Variants in CALCR observed in about 807,000 individuals in gnomAD.
CALCR encodes calcitonin receptor.
A neutral mutation model predicts 59.5 loss-of-function variants in CALCR; 47 were observed. The ratio of observed to expected loss-of-function variants is 0.79; its 90% CI spans 0.63 to 1.01. The LOEUF is 1.01. CALCR is among the 50% of genes least tolerant of loss of function. The pLI is 0.00. For missense variants in CALCR, 566 were observed against 597.1 expected, an observed-to-expected ratio of 0.95 and a Z score of 0.54; for synonymous variants, 213 against 211.3, an observed-to-expected ratio of 1.01 and a Z score of -0.07.
At position 93,463,098 on chromosome 7, in the gene CALCR, C is replaced by T. The variant is rs1800372288; in HGVS notation, c.522-2151G>A. Among the ~76,000 whole-genome samples, 3 of 151,790 alleles carry T rather than the reference C, an allele frequency of 2.0e-5. No homozygotes were observed. In the South Asian group the frequency reaches 6.2e-4, roughly 31 times the overall value. ...GTACACCAAAGAATTACATTAAATG[C>T]TAGATGATTTCCTACTTTATACTTC... On this transcript the variant is annotated intron_variant, in intron 7 of 13. Coordinates refer to ENST00000426151, the MANE Select transcript of CALCR (RefSeq NM_001742.4).
intron 2 of CALCR, among the ~76,000 whole-genome samples, chr7:93,535,853 A>G (rs1788971543): frequency 6.6e-6 from 1 of 151,812 alleles, no homozygotes; most frequent in Non-Finnish European, 1.5e-5. Context: ...CTTTGGAATT[A>G]CCAAACAAAA....
At chr7:93,564,119 G>T (rs1458647924) in intron 2 of CALCR, among the ~76,000 whole-genome samples, 1 of 151,946 alleles carries the variant, frequency 6.6e-6, no homozygotes, top group Non-Finnish European at 1.5e-5. Context: ...CACATTTCTG[G>T]GAATCTGGGT....
intron 7 of CALCR, among the ~76,000 whole-genome samples, chr7:93,463,283 G>C (rs1800375800): frequency 6.6e-6 from 1 of 151,540 alleles, no homozygotes; most frequent in South Asian, 2.1e-4. Context: ...TACATATAAA[G>C]AGTACTGTAT....
At chr7:93,519,577 T>A (rs2116081145) in intron 2 of CALCR, among the ~76,000 whole-genome samples, 1 of 152,258 alleles carries the variant, frequency 6.6e-6, no homozygotes, top group South Asian at 2.1e-4. Context: ...TTTCATTATC[T>A]ATATTATTAT....
chr7:93,466,551 C>T (rs1000290143), intron 7 of CALCR, among the ~76,000 whole-genome samples: 2 of 151,774 alleles, frequency 1.3e-5, no homozygotes, highest in Non-Finnish European at 2.9e-5. Flanking sequence ...AGCATATGTG[C>T]TTTTCATATC....
intron 2 of CALCR, among the ~76,000 whole-genome samples, chr7:93,526,442 AAAG>A (rs1320073897): frequency 6.6e-6 from 1 of 151,292 alleles, no homozygotes; most frequent in Non-Finnish European, 1.5e-5. Flanking sequence ...ACAGTATAGC[AAAG>A]AAGGGGGAAA....
At chr7:93,447,810 T>A (rs1800034301) in intron 8 of CALCR, among the ~76,000 whole-genome samples, 1 of 151,984 alleles carries the variant, frequency 6.6e-6, no homozygotes, top group Non-Finnish European at 1.5e-5. Flanking sequence ...CTTAAAGCTG[T>A]TTTCCTTACT....
chr7:93,528,103 G>A (rs2116119181), intron 2 of CALCR, among the ~76,000 whole-genome samples: 1 of 152,202 alleles, frequency 6.6e-6, no homozygotes, highest in Non-Finnish European at 1.5e-5. Context: ...CCTTTGATTA[G>A]TCCAAAAGGT....
intron 8 of CALCR, among the ~76,000 whole-genome samples, chr7:93,457,436 C>T (rs896720028): frequency 3.7e-4 from 56 of 152,126 alleles, no homozygotes. Flanking sequence ...TGAACAAGAT[C>T]TCACAGTGGA....
chr7:93,449,813 T>C (rs1800075164), intron 8 of CALCR, among the ~76,000 whole-genome samples: 1 of 152,006 alleles, frequency 6.6e-6, no homozygotes, highest in East Asian at 1.9e-4. Context: ...AAACTTACAA[T>C]GCTGGATGAA....
intron 2 of CALCR, among the ~76,000 whole-genome samples, chr7:93,556,899 T>C (rs1385101095): frequency 6.6e-6 from 1 of 152,010 alleles, no homozygotes; most frequent in African/African-American, 2.4e-5. Context: ...AAGACTCGCA[T>C]TTCTGTAGGG....
intron 8 of CALCR, among the ~76,000 whole-genome samples, chr7:93,460,572 A>ATATATAT (rs1554397786): frequency 3.0e-5 from 2 of 66,542 alleles, no homozygotes; most frequent in African/African-American, 2.0e-4. Flanking sequence ...AAAAAAAAAA[A>ATATATAT]ATATATATAT....
Position 93,488,582 on chromosome 7 carries a change from G to GCAAAAAAAAAAAAAAAAAAAAA in CALCR, c.-26-1576_-26-1575insTTTTTTTTTTTTTTTTTTTTTG, listed in dbSNP as rs770479251. ...GGAAAATTTACCAAGCAAATGGAAAGAAAAAAAAAAAAAAAAAAAGCATGG... is the reference window on the plus strand; with the variant it reads ...GGAAAATTTACCAAGCAAATGGAAAGCAAAAAAAAAAAAAAAAAAAAAAAAAAAAAAAAAAAAAAAAGCATGG... On this transcript the variant is annotated intron_variant, in intron 2 of 13. Coordinates refer to ENST00000426151, the MANE Select transcript of CALCR (RefSeq NM_001742.4). Among the ~76,000 whole-genome samples the GCAAAAAAAAAAAAAAAAAAAAA allele has an allele frequency of 3.1e-4, 24 of 78,034 alleles. 5 individuals carry two copies. Among genetic ancestry groups the GCAAAAAAAAAAAAAAAAAAAAA allele is most frequent in the East Asian group, 8.8e-4 (2 of 2,266 alleles). The allele number at this position is 78,034 out of a possible 152,430, so 51.2% of individuals were successfully genotyped here. A position where few individuals can be genotyped will look rare whatever the true frequency, so the allele number is the denominator to read the frequency against.
chr7:93,449,299 G>A (rs929906342), intron 8 of CALCR, among the ~76,000 whole-genome samples: 2 of 151,960 alleles, frequency 1.3e-5, no homozygotes, highest in Admixed American at 6.6e-5. Flanking sequence ...GAATCAATAA[G>A]TCAATTTCTA....
intron 2 of CALCR, among the ~76,000 whole-genome samples, chr7:93,538,212 A>T (rs1045289593): frequency 6.6e-6 from 1 of 152,052 alleles, no homozygotes; most frequent in African/African-American, 2.4e-5. Context: ...AAAAATAGCC[A>T]AGAATGCATA....
chr7:93,446,636 G>A (rs961522896), intron 8 of CALCR, among the ~76,000 whole-genome samples: 1 of 152,096 alleles, frequency 6.6e-6, no homozygotes, highest in East Asian at 1.9e-4. Context: ...TCTGTCAAGG[G>A]TGGAGTAAAC....
chr7:93,491,232 C>T (rs1801068731), intron 2 of CALCR, among the ~76,000 whole-genome samples: 1 of 152,056 alleles, frequency 6.6e-6, no homozygotes, highest in Non-Finnish European at 1.5e-5. Context: ...GGACCTCTTC[C>T]TTACACCTTA....
chr7:93,495,177 T>C (rs568079856), intron 2 of CALCR, among the ~76,000 whole-genome samples: 23 of 151,472 alleles, frequency 1.5e-4, no homozygotes, highest in African/African-American at 5.1e-4. Context: ...TTGAGAACTT[T>C]CAAATTGGAA....
At chr7:93,471,798 C>T (rs1800559222) in intron 6 of CALCR, among the ~76,000 whole-genome samples, 1 of 151,740 alleles carries the variant, frequency 6.6e-6, no homozygotes, top group South Asian at 2.1e-4. Context: ...TGTTTCTAAG[C>T]AGAGATAATA....
Sources: gnomAD v4.1 joint callset for allele counts (sites outside exome capture counted in the v4.1 genomes callset) on GRCh38, gnomAD v4.1.1 for gene constraint, MANE v1.5 for transcripts, NCBI Gene and HGNC (gene_info 2026-07-23, HGNC 2026-07-21) for gene names.